Variants in ZNF782 observed in about 807,000 individuals in gnomAD.
The protein encoded by ZNF782 is zinc finger protein 782.
Under a neutral mutation model 13.0 loss-of-function variants are expected in ZNF782, and 12 were observed. The ratio of observed to expected loss-of-function variants is 0.92; its 90% CI spans 0.59 to 1.50. The LOEUF (loss-of-function observed/expected upper bound fraction) is 1.50. Among genes scored for constraint, ZNF782 ranks in the 40% most tolerant of loss-of-function variants. The pLI, the probability that ZNF782 is intolerant of heterozygous loss-of-function variation, is 0.00. For missense variants in ZNF782, 770 were observed against 822.9 expected, an observed-to-expected ratio of 0.94 and a Z score of 0.79; for synonymous variants, 284 against 283.0, an observed-to-expected ratio of 1.00 and a Z score of -0.04.
chr9:96,818,996 A>G lies in ZNF782; in HGVS notation c.1027T>C (p.Cys343Arg), dbSNP rs1257461658. 12 of 1,614,178 alleles carry G rather than the reference A, an allele frequency of 7.4e-6. No individual in the cohort carries two copies. The highest frequency in any genetic ancestry group is 1.0e-5 in the Non-Finnish European group (12 of 1,180,020). Residue 343 changes from cysteine (C) to arginine (R), a missense_variant, in exon 6 of 6, where the codon TGT becomes CGT. Cys to Arg is a radical substitution (Grantham distance 180). Transcript: ENST00000481138. ...GACTGGTAGCTGAATGTCTCTGTAC[A>G]TGGGTGATAATCAGAGTATTTATCT... ...ATDKYSDYHPCTETFSYQSTF... is the reference protein window; with the variant it reads ...ATDKYSDYHPRTETFSYQSTF...
chr9:96,914,200 C>A, the ZNF782 span, among the ~76,000 whole-genome samples: 1 of 151,650 alleles, frequency 6.6e-6, no homozygotes, highest in Non-Finnish European at 1.5e-5. Flanking sequence ...CGGCTCACTG[C>A]AACCTCCGCC....
chr9:96,851,201 A>T (rs1051884352), intron 3 of ZNF782, among the ~76,000 whole-genome samples: 5 of 152,212 alleles, frequency 3.3e-5, no homozygotes, highest in South Asian at 2.1e-4. Flanking sequence ...AAAAAAAAAT[A>T]AAAAAAGTAA....
chr9:96,911,524 TTG>T, the ZNF782 span, among the ~76,000 whole-genome samples: 8 of 139,706 alleles, frequency 5.7e-5, no homozygotes, highest in South Asian at 4.3e-4. Context: ...TTGTTTTGTT[TTG>T]TTTTTTTTTT....
intron 4 of ZNF782, among the ~76,000 whole-genome samples, chr9:96,835,133 AG>A (rs1564003164): frequency 2.6e-5 from 4 of 152,266 alleles, no homozygotes; most frequent in Non-Finnish European, 5.9e-5. Flanking sequence ...GCTTTATGGA[AG>A]GCAGAACTTA....
chr9:96,834,566 C>A (rs1053237262), intron 4 of ZNF782, among the ~76,000 whole-genome samples: 5 of 152,168 alleles, frequency 3.3e-5, no homozygotes, highest in Admixed American at 3.3e-4. Flanking sequence ...TGCTTCCATG[C>A]AATTTCTTTG....
chr9:96,896,534 C>T, the ZNF782 span, among the ~76,000 whole-genome samples: 717 of 152,166 alleles, frequency 4.7e-3, 8 homozygotes, highest in African/African-American at 0.016. Flanking sequence ...GTCTAGTGGT[C>T]GAGATATCCC....
rs755975003 is a variant in ZNF782 at position 96,819,642 on chromosome 9, G to A, written c.381C>T (p.Asn127=). The stretch of plus-strand genomic sequence containing the variant: ...AAGGCATCATTCTTGCACGAAAAAT[G>A]TTTATGTCTCGATTATGTGGTTTTC... The part of the protein sequence containing the change: ...ISGKPHNRDI[N]IFRARMMPCK... The change falls in exon 6 of 6, where the codon AAC becomes AAT. Residue 127 remains asparagine, a synonymous_variant. Transcript: ENST00000481138. 6.2e-7 allele frequency: 1 copy of A among 1,614,072 alleles called. No individual in the cohort carries two copies. The highest frequency in any genetic ancestry group is 8.5e-7 in the Non-Finnish European group (1 of 1,180,032).
Position 96,819,569 on chromosome 9 carries a change from C to A in ZNF782, c.454G>T (p.Ala152Ser), listed in dbSNP as rs1474672730. ...TCTTTTGAATACTGACAGTGTGGGG[C>A]CATCAGGCTGAGCCCCTGGCAAGCA... is the stretch of plus-strand genomic sequence containing the variant. ...GSACQGLSLM[A>S]PHCQYSKEKA... The change falls in exon 6 of 6, where the codon GCC (alanine) becomes TCC (serine). Residue 152 changes from alanine to serine, a missense_variant. Physicochemically the swap from Ala to Ser is moderately conservative, Grantham distance 99. Coordinates refer to ENST00000481138, the MANE Select transcript of ZNF782 (RefSeq NM_001001662.3). 3 of 1,613,500 alleles carry A rather than the reference C, an allele frequency of 1.9e-6. No individual in the cohort carries two copies. Among genetic ancestry groups the A allele is most frequent in the Admixed American group, 3.3e-5 (2 of 59,932 alleles).
upstream of ZNF782, among the ~76,000 whole-genome samples, chr9:96,879,868 AT>A (rs561959791): frequency 6.6e-6 from 1 of 151,382 alleles, no homozygotes; most frequent in South Asian, 2.1e-4. Flanking sequence ...TCGTTTTAGG[AT>A]TTTTTTTTGT....
the ZNF782 span, among the ~76,000 whole-genome samples, chr9:96,897,678 C>T: frequency 1.3e-5 from 2 of 150,828 alleles, no homozygotes; most frequent in Non-Finnish European, 2.9e-5. Flanking sequence ...GTGCTTGTCC[C>T]GGTGGTGCTC....
the ZNF782 span, among the ~76,000 whole-genome samples, chr9:96,884,282 A>G: frequency 6.6e-6 from 1 of 152,220 alleles, no homozygotes. Flanking sequence ...ACCCCCACCC[A>G]GCAGCAATGA....
intron 4 of ZNF782, among the ~76,000 whole-genome samples, chr9:96,839,053 C>A (rs1188053755): frequency 1.3e-5 from 2 of 152,036 alleles, no homozygotes; most frequent in Non-Finnish European, 2.9e-5. Flanking sequence ...TAGGAAGAGT[C>A]CTGGCTTACC....
the ZNF782 span, among the ~76,000 whole-genome samples, chr9:96,885,183 T>A: frequency 1.3e-5 from 2 of 151,118 alleles, no homozygotes; most frequent in African/African-American, 4.9e-5. Context: ...CCAAGAGAAA[T>A]CAGATAGAGT....
At chr9:96,908,216 C>G in the ZNF782 span, among the ~76,000 whole-genome samples, 1 of 151,728 alleles carries the variant, frequency 6.6e-6, no homozygotes, top group Non-Finnish European at 1.5e-5. Context: ...GTTGCCCATG[C>G]TGGAGTGCAG....
chr9:96,832,097 A>AT lies in ZNF782; in HGVS notation c.143-4917dup, dbSNP rs1850822875. On this transcript the variant is annotated intron_variant, in intron 4 of 5. Coordinates refer to ENST00000481138, the MANE Select transcript of ZNF782 (RefSeq NM_001001662.3). Reference sequence around the variant, plus strand: ...TCTTGAACATTTTTTTTAGAATTCCATTTTTTACTTATCTATTTTTCTGTA... The same window carrying AT: ...TCTTGAACATTTTTTTTAGAATTCCATTTTTTTACTTATCTATTTTTCTGTA... Among the ~76,000 whole-genome samples, 4 of 151,246 alleles carry AT rather than the reference A, an allele frequency of 2.6e-5. No homozygotes were observed. The South Asian group carries it at 8.3e-4, about 31-fold the overall frequency.
the ZNF782 span, among the ~76,000 whole-genome samples, chr9:96,915,476 C>T: frequency 2.0e-5 from 3 of 150,070 alleles, no homozygotes; most frequent in Non-Finnish European, 4.4e-5. Context: ...GTCAAGAGTT[C>T]GAGACCAGCC....
chr9:96,833,156 G>C (rs1296376040), intron 4 of ZNF782, among the ~76,000 whole-genome samples: 1 of 152,178 alleles, frequency 6.6e-6, no homozygotes, highest in African/African-American at 2.4e-5. Flanking sequence ...AGGATGGAAA[G>C]AATTCTTGTA....
At chr9:96,892,961 T>C in the ZNF782 span, 3 of 151,958 alleles carry the variant, frequency 2.0e-5, no homozygotes, top group Admixed American at 6.6e-5. Context: ...ATATGATCAA[T>C]AGGGTTTCAG....
At chr9:96,900,511 G>A in the ZNF782 span, among the ~76,000 whole-genome samples, 1 of 152,046 alleles carries the variant, frequency 6.6e-6, no homozygotes, top group South Asian at 2.1e-4. Flanking sequence ...AGGCCGAGGC[G>A]GGGGGATCAC....
Sources: gnomAD v4.1 joint callset for allele counts (sites outside exome capture counted in the v4.1 genomes callset) on GRCh38, gnomAD v4.1.1 for gene constraint, MANE v1.5 for transcripts, NCBI Gene and HGNC (gene_info 2026-07-23, HGNC 2026-07-21) for gene names.